The following NIPSNAP3A variants were observed in gnomAD, a reference collection of about 807,000 sequenced individuals.
The protein encoded by NIPSNAP3A is protein NipSnap homolog 3A.
Under a neutral mutation model 32.3 loss-of-function variants are expected in NIPSNAP3A, and 27 were observed. The ratio of observed to expected loss-of-function variants is 0.84; its 90% CI spans 0.62 to 1.15. The LOEUF is 1.15. Among genes scored for constraint, NIPSNAP3A ranks in the 50% most tolerant of loss-of-function variants. NIPSNAP3A has a pLI of 0.00. For synonymous variants in NIPSNAP3A, 108 were observed against 107.3 expected, an observed-to-expected ratio of 1.01 and a Z score of -0.04; for missense variants, 278 against 297.2, an observed-to-expected ratio of 0.94 and a Z score of 0.48.
chr9:104,751,595 A>G (rs1382905741), intron 2 of NIPSNAP3A, among the ~76,000 whole-genome samples: 1 of 152,208 alleles, frequency 6.6e-6, no homozygotes. Flanking sequence ...AGGGGGCTGG[A>G]TATCAGTATT....
chr9:104,751,153 T>C lies in NIPSNAP3A; in HGVS notation c.258T>C (p.His86=). The C allele has an allele frequency of 6.2e-7, 1 of 1,613,622 alleles. No individual in the cohort carries two copies. The part of the protein sequence containing the change: ...EFGGRMNTVF[H]IWKYDNFAHR... The stretch of plus-strand genomic sequence containing the variant: ...GAGGCAGAATGAATACAGTGTTTCA[T>C]ATTTGGAAGTATGGTAAAGAGTCAT... Residue 86 remains histidine (H), a synonymous_variant, in exon 2 of 6, where the codon CAT becomes CAC. Transcript: ENST00000374767.
chr9:104,749,035 C>G (rs1827814938), intron 1 of NIPSNAP3A, among the ~76,000 whole-genome samples: 1 of 152,166 alleles, frequency 6.6e-6, no homozygotes, highest in African/African-American at 2.4e-5. Context: ...ATCTCTCTCC[C>G]TCTCTCACTG....
intron 1 of NIPSNAP3A, among the ~76,000 whole-genome samples, chr9:104,749,723 G>A (rs1175835664): frequency 6.6e-6 from 1 of 152,146 alleles, no homozygotes; most frequent in Non-Finnish European, 1.5e-5. Flanking sequence ...CTACATAGAG[G>A]ATAATCTTAG....
At chr9:104,748,440 G>C (rs1827805442) in intron 1 of NIPSNAP3A, among the ~76,000 whole-genome samples, 1 of 152,214 alleles carries the variant, frequency 6.6e-6, no homozygotes, top group African/African-American at 2.4e-5. Flanking sequence ...GCTTCGTGTG[G>C]TCGCTCCCCC....
intron 4 of NIPSNAP3A, 37 bp from the exon 5 acceptor site, chr9:104,759,048 A>G (rs1588162662): frequency 6.3e-7 from 1 of 1,581,610 alleles, no homozygotes; most frequent in African/African-American, 1.4e-5. Flanking sequence ...TGTTAAGGCC[A>G]TATTTTTTAG....
intron 2 of NIPSNAP3A, 151 bp from the exon 3 acceptor site, chr9:104,752,755 G>A: frequency 1.5e-6 from 1 of 662,356 alleles, no homozygotes; most frequent in Non-Finnish European, 2.6e-6. Flanking sequence ...CAGGGCAGAT[G>A]GTCACATCTG....
chr9:104,749,670 CGTAT>C (rs1350336508), intron 1 of NIPSNAP3A, among the ~76,000 whole-genome samples: 3 of 151,800 alleles, frequency 2.0e-5, no homozygotes, highest in African/African-American at 4.8e-5. Context: ...TGTGTGTGTG[CGTAT>C]GTGTGTGTGT....
At position 104,760,011 on chromosome 9, in the gene NIPSNAP3A, A is replaced by G. The variant is rs1409666692; in HGVS notation, c.*673A>G. ...TTATTTATAATTAATTTTAACTACT[A>G]TTTACTTCATTTCGGATCCTGTTTA... On this transcript the variant is annotated 3_prime_UTR_variant, in exon 6 of 6. Transcript: ENST00000374767. The G allele has an allele frequency of 1.3e-5, 2 of 152,094 alleles. No individual in the cohort carries two copies. The highest frequency in any genetic ancestry group is 2.9e-5 in the Non-Finnish European group (2 of 68,000). 9.4% of individuals were successfully genotyped at this position (152,094 alleles called of 1,614,324 possible).
chr9:104,751,289 TTAAC>T (rs1461275144), intron 2 of NIPSNAP3A, 123 bp downstream of exon 2: 11 of 891,314 alleles, frequency 1.2e-5, no homozygotes, highest in Non-Finnish European at 1.8e-5. Context: ...TACATACAGG[TTAAC>T]TAAGACTTTT....
intron 1 of NIPSNAP3A, 39 bp downstream of exon 1, chr9:104,747,891 G>T: frequency 7.0e-7 from 1 of 1,438,432 alleles, no homozygotes; most frequent in Non-Finnish European, 9.3e-7. Flanking sequence ...CACCCGACGG[G>T]AGGGGAGGGG....
At chr9:104,752,856 G>A (rs1410749524) in intron 2 of NIPSNAP3A, 50 bp from the exon 3 acceptor site, 3 of 1,484,216 alleles carry the variant, frequency 2.0e-6, no homozygotes, top group Non-Finnish European at 2.8e-6. Context: ...AAAAGTACAG[G>A]TGATTTAAAA....
chr9:104,757,716 A>C (rs1359868247), intron 4 of NIPSNAP3A, among the ~76,000 whole-genome samples: 2 of 152,164 alleles, frequency 1.3e-5, no homozygotes, highest in Non-Finnish European at 1.5e-5. Flanking sequence ...AGCATAAGCA[A>C]ATATGCTTAT....
chr9:104,759,549 T>C lies in NIPSNAP3A; in HGVS notation c.*211T>C. 1.8e-6 allele frequency: 1 copy of C among 550,820 alleles called. No homozygotes were observed. The highest frequency in any genetic ancestry group is 3.2e-6 in the Non-Finnish European group (1 of 308,744). The allele number at this position is 550,820 out of a possible 1,614,324, so 34.1% of individuals were successfully genotyped here. ...ACTTTCTGCATGGTATTTCAGTGTC[T>C]GTCATACATTAAAAATACTTGTCAC... On this transcript the variant is annotated 3_prime_UTR_variant, in exon 6 of 6. Transcript: ENST00000374767.
intron 1 of NIPSNAP3A, among the ~76,000 whole-genome samples, chr9:104,749,694 C>T (rs117323391): frequency 0.018 from 2,692 of 152,126 alleles, 39 homozygotes; most frequent in Middle Eastern, 0.031. Context: ...TATGTGTATA[C>T]ATATATACAC....
chr9:104,754,739 T>C, intron 4 of NIPSNAP3A, 39 bp downstream of exon 4: 1 of 1,558,140 alleles, frequency 6.4e-7, no homozygotes. Context: ...AATTGTAATA[T>C]ATATTGTGAC....
At chr9:104,758,995 A>AT in intron 4 of NIPSNAP3A, 90 bp from the exon 5 acceptor site, 1 of 1,075,620 alleles carries the variant, frequency 9.3e-7, no homozygotes, top group Non-Finnish European at 1.3e-6. Context: ...AAAAAAAAAA[A>AT]AGAATAGGAT....
At position 104,754,587 on chromosome 9, in the gene NIPSNAP3A, G is replaced by T; in HGVS notation, c.467G>T (p.Gly156Val). Residue 156 changes from glycine (G) to valine (V), a missense_variant, in exon 4 of 6, where the codon GGT (glycine) becomes GTT (valine). By Grantham distance (109) the Gly-to-Val change is moderately radical (BLOSUM62 -3). Transcript: ENST00000374767. ...YELATFQMKP[G>V]GPALWGDAFK... ...CTGGCCACTTTTCAGATGAAACCTG[G>T]TGGGCCAGCTCTGTGGGGTGATGCA... 1.2e-6 allele frequency: 2 copies of T among 1,614,048 alleles called. No individual in the cohort carries two copies. Among genetic ancestry groups the T allele is most frequent in the Non-Finnish European group, 1.7e-6 (2 of 1,179,992 alleles).
Position 104,759,416 on chromosome 9 carries a change from G to A in NIPSNAP3A, c.*78G>A. On this transcript the variant is annotated 3_prime_UTR_variant, in exon 6 of 6. Coordinates refer to ENST00000374767, the MANE Select transcript of NIPSNAP3A (RefSeq NM_015469.3). ...AATGGTGCTTAAATTCTCCCAAGAG[G>A]TTCTCACTTTTATTTGAAGGAGGTG... is the stretch of plus-strand genomic sequence containing the variant. 7.1e-7 allele frequency: 1 copy of A among 1,413,472 alleles called. No homozygotes were observed. 87.6% of individuals were successfully genotyped at this position (1,413,472 alleles called of 1,614,324 possible).
intron 1 of NIPSNAP3A, among the ~76,000 whole-genome samples, chr9:104,750,297 G>A (rs369459843): frequency 2.0e-4 from 30 of 152,170 alleles, no homozygotes; most frequent in African/African-American, 7.0e-4. Context: ...AGATCTCAGC[G>A]CCTTCTTATG....
Sources: allele counts gnomAD v4.1 joint callset (sites outside exome capture counted in the v4.1 genomes callset), GRCh38; gene constraint gnomAD v4.1.1; transcripts MANE v1.5; gene names NCBI Gene and HGNC (gene_info 2026-07-23, HGNC 2026-07-21).